Variants in LDAF1 observed in about 807,000 individuals in gnomAD.
LDAF1 encodes PROMETHIN.
In LDAF1, 7 loss-of-function variants were observed where a neutral mutation model predicts 13.5. The ratio of observed to expected loss-of-function variants is 0.52; its 90% confidence interval spans 0.29 to 0.97. The LOEUF is 0.97. Among genes scored for constraint, LDAF1 ranks in the 50% least tolerant of loss-of-function variants. The pLI is 0.07. For missense variants in LDAF1, 148 were observed against 193.2 expected (o/e 0.77, Z 1.39); for synonymous variants, 69 against 77.1 (o/e 0.89, Z 0.55).
intron 4 of LDAF1, chr16:21,178,099 CTG>C (rs1184135804): frequency 1.6e-6 from 1 of 607,176 alleles, no homozygotes; most frequent in African/African-American, 2.0e-5. Context: ...GGAAACAAAA[CTG>C]TAAGTTTCCC....
In LDAF1 at chr16:21,172,244, G is replaced by A. The variant is rs376116132; in HGVS notation, c.265+1639G>A. On this transcript the variant is annotated intron_variant, in intron 3 of 4. Coordinates refer to ENST00000233047, the MANE Select transcript of LDAF1 (RefSeq NM_001301771.2). ...GCAGATCACTGGAGGTCAGGAGTTC[G>A]CGACCAGCCTGGCCAACATGGTGAA... Among the ~76,000 whole-genome samples, 16 of 151,322 alleles carry A rather than the reference G, an allele frequency of 1.1e-4. No homozygotes were observed. In the South Asian group the frequency reaches 2.1e-3, roughly 20 times the overall value.
At chr16:21,172,551 C>T (rs1246874423) in intron 3 of LDAF1, among the ~76,000 whole-genome samples, 2 of 152,140 alleles carry the variant, frequency 1.3e-5, no homozygotes, top group African/African-American at 2.4e-5. Flanking sequence ...CGCTTGAGCC[C>T]AGGCAGTTGA....
intron 2 of LDAF1, chr16:21,169,084 A>G (rs931867333): frequency 4.5e-6 from 3 of 667,158 alleles, no homozygotes; most frequent in African/African-American, 2.0e-5. Context: ...TTTTAATGCT[A>G]ATCACTTTAA....
intron 4 of LDAF1, chr16:21,178,236 G>C: frequency 1.0e-6 from 1 of 985,332 alleles, no homozygotes; most frequent in South Asian, 4.7e-5. Context: ...AGACCTTCCA[G>C]GGCCTGCAGC....
chr16:21,165,743 T>TC (rs1300472670), intron 2 of LDAF1: 1 of 443,796 alleles, frequency 2.3e-6, no homozygotes, highest in Non-Finnish European at 3.0e-6. Context: ...GTTTTTTTTT[T>TC]CCCAGATGAA....
intron 4 of LDAF1, among the ~76,000 whole-genome samples, chr16:21,176,781 T>G (rs1174034020): frequency 3.9e-5 from 6 of 151,950 alleles, no homozygotes; most frequent in Non-Finnish European, 8.8e-5. Flanking sequence ...ATGCTTGTGG[T>G]CCCAGCTACT....
At chr16:21,174,277 C>A (rs2093119452) in intron 4 of LDAF1, 129 bp downstream of exon 4, 10 of 818,294 alleles carry the variant, frequency 1.2e-5, no homozygotes. Context: ...ACAGCCTCAA[C>A]CTCCAAGGCT....
intron 3 of LDAF1, among the ~76,000 whole-genome samples, chr16:21,173,115 G>A (rs1197955388): frequency 6.6e-6 from 1 of 151,956 alleles, no homozygotes; most frequent in Admixed American, 6.6e-5. Flanking sequence ...ATATTAAAAT[G>A]GCATATAAAA....
chr16:21,178,213 T>C (rs964391492), intron 4 of LDAF1: 1 of 985,232 alleles, frequency 1.0e-6, no homozygotes, highest in African/African-American at 1.7e-5. Flanking sequence ...ACTGCTTGGT[T>C]ATGGAGACTG....
At chr16:21,162,384 AAT>A (rs1226072835) in intron 2 of LDAF1, among the ~76,000 whole-genome samples, 1 of 128,080 alleles carries the variant, frequency 7.8e-6, no homozygotes, top group Non-Finnish European at 1.6e-5. Flanking sequence ...ACTCAGTGGC[AAT>A]GAGACTTCAG....
In LDAF1 at chr16:21,174,386, AG is replaced by A. The variant is rs576848373; in HGVS notation, c.404+241del. 2.0e-3 allele frequency among the ~76,000 whole-genome samples: 297 copies of A among 152,154 alleles called. 3 individuals carry two copies. Among genetic ancestry groups the A allele is most frequent in the Admixed American group, 5.6e-3 (86 of 15,258 alleles). ...AATATTTTTTATTTTTTGTAGAGAC[AG>A]GGTCTTGCTATGTTGCCCAGGCTGT... On this transcript the variant is annotated intron_variant, in intron 4 of 4. Coordinates refer to ENST00000233047, the MANE Select transcript of LDAF1 (RefSeq NM_001301771.2).
rs183228803 is a variant in LDAF1, at chr16:21,161,117, C to T, written c.-66C>T. 30 of 1,592,626 alleles carry T rather than the reference C, an allele frequency of 1.9e-5. No homozygotes were observed. In the African/African-American group the frequency reaches 3.2e-4, roughly 17 times the overall value. On this transcript the variant is annotated 5_prime_UTR_variant, in exon 2 of 5. Coordinates refer to ENST00000233047, the MANE Select transcript of LDAF1 (RefSeq NM_001301771.2). ...CAGAGCGACATGAGAGATTGGACCG[C>T]GGGCTGCACTGGAGAATTTACTGGT... is the stretch of plus-strand genomic sequence containing the variant.
chr16:21,175,406 C>A (rs989286832), intron 4 of LDAF1, among the ~76,000 whole-genome samples: 4 of 152,146 alleles, frequency 2.6e-5, no homozygotes, highest in Non-Finnish European at 4.4e-5. Context: ...CCCTCTTAAT[C>A]AAGATACAAA....
intron 2 of LDAF1, among the ~76,000 whole-genome samples, chr16:21,164,699 T>C (rs1430862291): frequency 6.6e-6 from 1 of 152,368 alleles, no homozygotes; most frequent in East Asian, 1.9e-4. Flanking sequence ...TCTGCAGTGC[T>C]GCACTGTGCT....
chr16:21,172,317 G>T (rs1486258635), intron 3 of LDAF1, among the ~76,000 whole-genome samples: 1 of 151,872 alleles, frequency 6.6e-6, no homozygotes, highest in Non-Finnish European at 1.5e-5. Context: ...CATGGTGGTG[G>T]GCACCTGTAT....
chr16:21,159,464 C>T (rs762098884), intron 1 of LDAF1: 6 of 1,607,670 alleles, frequency 3.7e-6, no homozygotes, highest in African/African-American at 2.7e-5. Flanking sequence ...GATGTGACCC[C>T]TCCTCCCAGC....
chr16:21,161,461 G>A (rs576332207), intron 2 of LDAF1, among the ~76,000 whole-genome samples, 183 bp downstream of exon 2: 1 of 152,338 alleles, frequency 6.6e-6, no homozygotes, highest in African/African-American at 2.4e-5. Context: ...GACTGCAAGA[G>A]CATCAGCCAT....
At position 21,179,745 on chromosome 16, in the gene LDAF1, T is replaced by C. The variant is rs1452508217; in HGVS notation, c.*189T>C. 2 of 556,784 alleles carry C rather than the reference T, an allele frequency of 3.6e-6. No homozygotes were observed. The highest frequency in any genetic ancestry group is 6.4e-6 in the Non-Finnish European group (2 of 313,774). The allele number at this position is 556,784 out of a possible 1,614,324, so 34.5% of individuals were successfully genotyped here. A position where few individuals can be genotyped will look rare whatever the true frequency, so the allele number is the denominator to read the frequency against. ...TGTGTTGTTCTTGTGTTGGTTCCCA[T>C]GTAAAGAAGCAGCAGAGAAATGCGA... is the stretch of plus-strand genomic sequence containing the variant. On this transcript the variant is annotated 3_prime_UTR_variant, in exon 5 of 5. Transcript: ENST00000233047.
chr16:21,179,877 A>G lies in LDAF1; in HGVS notation c.*321A>G, dbSNP rs1254367200. On this transcript the variant is annotated 3_prime_UTR_variant, in exon 5 of 5. Coordinates refer to ENST00000233047, the MANE Select transcript of LDAF1 (RefSeq NM_001301771.2). ...CCCAAAGCCTCAGGGCTTATGTCCA[A>G]CGGTCCCATTGGGAGCAACAGTGAT... The G allele has an allele frequency of 2.2e-5, 5 of 226,424 alleles. No individual in the cohort carries two copies. The highest frequency in any genetic ancestry group is 1.0e-4 in the Admixed American group (2 of 19,718). The allele number at this position is 226,424 out of a possible 1,614,324, so 14.0% of individuals were successfully genotyped here.
Sources: gnomAD v4.1 joint callset for allele counts (sites outside exome capture counted in the v4.1 genomes callset) on GRCh38, gnomAD v4.1.1 for gene constraint, MANE v1.5 for transcripts, NCBI Gene and HGNC (gene_info 2026-07-23, HGNC 2026-07-21) for gene names.